PNISR: variants seen among roughly 807,000 people sequenced by gnomAD.
The protein encoded by PNISR is arginine/serine-rich protein PNISR.
A neutral mutation model predicts 93.4 loss-of-function variants in PNISR; 20 were observed. That is an observed-to-expected ratio of 0.21 (90% CI 0.15 to 0.31). The LOEUF is 0.31. Ranked by LOEUF, PNISR falls within the 10% of genes least tolerant of loss-of-function variation. The pLI is 1.00. For synonymous variants in PNISR, 305 were observed against 306.5 expected (o/e 0.99, Z 0.05); for missense variants, 893 against 985.4 (o/e 0.91, Z 1.25).
chr6:99,413,464 T>C (rs1777249918), intron 3 of PNISR, among the ~76,000 whole-genome samples: 1 of 152,026 alleles, frequency 6.6e-6, no homozygotes, highest in Admixed American at 6.6e-5. Context: ...CATCCATCCA[T>C]GTAGAGTCTG....
chr6:99,406,257 A>T, intron 7 of PNISR, 89 bp from the exon 8 acceptor site: 1 of 729,826 alleles, frequency 1.4e-6, no homozygotes, highest in Non-Finnish European at 2.1e-6. Flanking sequence ...ACCCCAAATT[A>T]AAAAGTCTAT....
In PNISR at chr6:99,416,400, C is replaced by T. The variant is rs573533123; in HGVS notation, c.-83G>A. The T allele has an allele frequency of 5.7e-6, 7 of 1,218,906 alleles. No homozygotes were observed. The highest frequency in any genetic ancestry group is 6.3e-5 in the East Asian group (2 of 31,576). 75.5% of individuals were successfully genotyped at this position (1,218,906 alleles called of 1,614,324 possible). A position where few individuals can be genotyped will look rare whatever the true frequency, so the allele number is the denominator to read the frequency against. On this transcript the variant is annotated 5_prime_UTR_variant, in exon 2 of 12. Transcript: ENST00000369239. ...CTTAGGTTGATTCAGACTACAGCTT[C>T]GAAGCATAGCAGCAAGATTATGTAT...
chr6:99,403,938 A>C, intron 9 of PNISR, 56 bp from the exon 10 acceptor site: 13 of 1,273,072 alleles, frequency 1.0e-5, no homozygotes, highest in African/African-American at 1.5e-5. Context: ...CCACGATTTC[A>C]TAGTCATGAG....
At chr6:99,405,889 T>C (rs947799436) in intron 8 of PNISR, 142 bp downstream of exon 8, 17 of 525,144 alleles carry the variant, frequency 3.2e-5, no homozygotes, top group Non-Finnish European at 5.7e-5. Flanking sequence ...TTTCTATAAT[T>C]GTTTTAAGTT....
chr6:99,419,075 G>A (rs186099365), intron 1 of PNISR, among the ~76,000 whole-genome samples: 5 of 144,060 alleles, frequency 3.5e-5, no homozygotes, highest in South Asian at 2.2e-4. Context: ...GCTTGAACCC[G>A]GGAGGTGGAA....
intron 8 of PNISR, 86 bp from the exon 9 acceptor site, chr6:99,404,788 A>ATT: frequency 6.2e-6 from 4 of 640,810 alleles, no homozygotes; most frequent in Non-Finnish European, 8.0e-6. Context: ...ATGCAAAGCC[A>ATT]TTTTTTTTTT....
chr6:99,402,451 T>G lies in PNISR; in HGVS notation c.1327+89A>C, dbSNP rs957477102. 4.2e-6 allele frequency: 4 copies of G among 962,880 alleles called. No individual in the cohort carries two copies. In the African/African-American group the frequency reaches 5.0e-5, roughly 12 times the overall value. 59.6% of individuals were successfully genotyped at this position (962,880 alleles called of 1,614,324 possible). A position where few individuals can be genotyped will look rare whatever the true frequency, so the allele number is the denominator to read the frequency against. On this transcript the variant is annotated intron_variant, in intron 11 of 11. Transcript: ENST00000369239. ...CACATATTATTTATAATATAGCCTT[T>G]ATTTTATCCTTTGATATTTTTAGGT...
chr6:99,403,945 T>C, intron 9 of PNISR, 63 bp from the exon 10 acceptor site: 3 of 1,169,696 alleles, frequency 2.6e-6, no homozygotes, highest in Non-Finnish European at 3.8e-6. Flanking sequence ...TTCATAGTCA[T>C]GAGTCTATGG....
At chr6:99,422,932 C>G (rs1264773776) in intron 1 of PNISR, among the ~76,000 whole-genome samples, 1 of 149,026 alleles carries the variant, frequency 6.7e-6, no homozygotes, top group African/African-American at 2.5e-5. Flanking sequence ...ATAAATACCC[C>G]CCCAATAATA....
chr6:99,425,268 A>G lies in PNISR; in HGVS notation c.-165T>C. On this transcript the variant is annotated 5_prime_UTR_variant, in exon 1 of 12. Transcript: ENST00000369239. ...CCGCCGTTCCGGTAACACCTCTCCA[A>G]CGCTTTCGATGCTTCTACTTCTTCG... The G allele has an allele frequency of 1.6e-6, 2 of 1,232,026 alleles. No individual in the cohort carries two copies. The highest frequency in any genetic ancestry group is 2.0e-6 in the Non-Finnish European group (2 of 987,922). 76.3% of individuals were successfully genotyped at this position (1,232,026 alleles called of 1,614,324 possible).
At position 99,409,270 on chromosome 6, in the gene PNISR, T is replaced by C. The variant is rs111662354; in HGVS notation, c.576A>G (p.Pro192=). Residue 192 remains proline (P), a synonymous_variant, in exon 6 of 12, where the codon CCA becomes CCG. Coordinates refer to ENST00000369239, the MANE Select transcript of PNISR (RefSeq NM_032870.4). The part of the protein sequence containing the change: ...PYWQPGPPGP[P]APPQNRRERP... ...TTTCTCTTCGATTCTGGGGAGGTGC[T>C]GGAGGTCCTGGAGGTCCTGGTTGCC... The C allele has an allele frequency of 1.9e-6, 3 of 1,612,080 alleles. No individual in the cohort carries two copies. The highest frequency in any genetic ancestry group is 1.7e-4 in the Middle Eastern group (1 of 6,034).
chr6:99,400,373 C>A lies in PNISR; in HGVS notation c.*167G>T. 1 of 1,158,106 alleles carries A rather than the reference C, an allele frequency of 8.6e-7. No individual in the cohort carries two copies. Among genetic ancestry groups the A allele is most frequent in the South Asian group, 4.3e-5 (1 of 23,296 alleles). 71.7% of individuals were successfully genotyped at this position (1,158,106 alleles called of 1,614,324 possible). On this transcript the variant is annotated 3_prime_UTR_variant, in exon 12 of 12. Coordinates refer to ENST00000369239, the MANE Select transcript of PNISR (RefSeq NM_032870.4). ...AAATGTATTTTAAATTAAAAATCTG[C>A]AATTTTAAATAAATAATATTATATA...
In PNISR at chr6:99,414,509, T is replaced by C. The variant is rs76749184; in HGVS notation, c.88+63A>G. ...AATTCCATATCCCTTAATCCCATCA[T>C]GTGTCTTCTACCCATTTCCACATAT... On this transcript the variant is annotated intron_variant, in intron 3 of 11. Coordinates refer to ENST00000369239, the MANE Select transcript of PNISR (RefSeq NM_032870.4). 1,421 of 810,614 alleles carry C rather than the reference T, an allele frequency of 1.8e-3. 20 individuals are homozygous for C. The African/African-American group carries it at 0.021, about 12-fold the overall frequency. The allele number at this position is 810,614 out of a possible 1,614,324, so 50.2% of individuals were successfully genotyped here.
intron 2 of PNISR, chr6:99,415,443 A>T (rs926359620): frequency 6.6e-6 from 1 of 152,190 alleles, no homozygotes; most frequent in African/African-American, 2.4e-5. Context: ...AAAAGATGGG[A>T]GGGAAGGTAC....
intron 8 of PNISR, among the ~76,000 whole-genome samples, chr6:99,405,618 G>A (rs896230772): frequency 6.6e-5 from 10 of 151,760 alleles, no homozygotes; most frequent in African/African-American, 9.7e-5. Flanking sequence ...AGGATGGAAC[G>A]CAGTGGCACC....
chr6:99,411,649 C>T (rs1454987985), intron 4 of PNISR: 1 of 152,600 alleles, frequency 6.6e-6, no homozygotes, highest in Non-Finnish European at 1.5e-5. Context: ...GGGACTCATT[C>T]TGTCACCCAG....
chr6:99,400,909 T>A lies in PNISR; in HGVS notation c.2049A>T (p.Glu683Asp). 1 of 1,567,286 alleles carries A rather than the reference T, an allele frequency of 6.4e-7. No homozygotes were observed. The highest frequency in any genetic ancestry group is 8.8e-7 in the Non-Finnish European group (1 of 1,140,492). The change falls in exon 12 of 12, where the codon GAA (glutamate) becomes GAT (aspartate). Residue 683 changes from glutamate to aspartate, a missense_variant. Physicochemically the swap from Glu to Asp is conservative, Grantham distance 45. Transcript: ENST00000369239. ...IDKDRKKKDK[E>D]REREQDKRKE... ...TTCTTTTATCCTGTTCACGTTCCCT[T>A]TCTTTGTCTTTCTTTTTCCTATCTT...
Position 99,400,949 on chromosome 6 carries a change from C to A in PNISR, c.2009G>T (p.Ser670Ile). The change falls in exon 12 of 12, where the codon AGT becomes ATT. Residue 670 changes from serine (S) to isoleucine (I), a missense_variant. Physicochemically the swap from Ser to Ile is moderately radical, Grantham distance 142. Coordinates refer to ENST00000369239, the MANE Select transcript of PNISR (RefSeq NM_032870.4). The stretch of plus-strand genomic sequence containing the variant: ...TTTCCTATCTTTATCTATACTTCGA[C>A]TCCTCTCCTTTTTCCTCTCTTGTTC... ...AKEQERKKERSRSIDKDRKKK... is the reference protein window; with the variant it reads ...AKEQERKKERIRSIDKDRKKK... 6.3e-7 allele frequency: 1 copy of A among 1,583,202 alleles called. No homozygotes were observed. Among genetic ancestry groups the A allele is most frequent in the Non-Finnish European group, 8.7e-7 (1 of 1,152,428 alleles).
chr6:99,418,666 A>G (rs968752484), intron 1 of PNISR, among the ~76,000 whole-genome samples: 1 of 152,210 alleles, frequency 6.6e-6, no homozygotes, highest in Non-Finnish European at 1.5e-5. Context: ...AATAGAAAAA[A>G]GATGTGAAAT....
Sources: allele counts gnomAD v4.1 joint callset (sites outside exome capture counted in the v4.1 genomes callset), GRCh38; gene constraint gnomAD v4.1.1; transcripts MANE v1.5; gene names NCBI Gene and HGNC (gene_info 2026-07-23, HGNC 2026-07-21).